SIL1: variants seen among roughly 807,000 people sequenced by gnomAD.
SIL1 encodes SIL1 nucleotide exchange factor, also known as nucleotide exchange factor SIL1.
SIL1 carries 40 observed loss-of-function variants against 49.1 expected under a neutral mutation model. That is an observed-to-expected ratio of 0.81 (90% confidence interval 0.63 to 1.06). The LOEUF (loss-of-function observed/expected upper bound fraction) is 1.06. Ranked by LOEUF, SIL1 falls within the 50% of genes least tolerant of loss-of-function variation. The pLI, the probability that SIL1 is intolerant of heterozygous loss-of-function variation, is 0.00. For synonymous variants in SIL1, 253 were observed against 250.8 expected (o/e 1.01, Z -0.08); for missense variants, 500 against 572.6 (o/e 0.87, Z 1.29).
At chr5:138,999,677 AC>A (rs1159857448) in intron 7 of SIL1, among the ~76,000 whole-genome samples, 2 of 152,158 alleles carry the variant, frequency 1.3e-5, no homozygotes, top group African/African-American at 4.8e-5. Flanking sequence ...AATAAATGCT[AC>A]TGGTTTTTGT....
intron 4 of SIL1, among the ~76,000 whole-genome samples, chr5:139,045,122 TGAG>T (rs1235594196): frequency 6.6e-6 from 1 of 152,048 alleles, no homozygotes; most frequent in East Asian, 1.9e-4. Context: ...TTTGGGAGGC[TGAG>T]GAGGGAGGAT....
At chr5:138,986,590 G>GGC (rs1278598723) in intron 7 of SIL1, among the ~76,000 whole-genome samples, 6 of 152,160 alleles carry the variant, frequency 3.9e-5, no homozygotes, top group African/African-American at 1.4e-4. Flanking sequence ...GCCCTCTCAA[G>GGC]GCACTGATTG....
At chr5:139,157,309 T>A (rs184607679) in intron 1 of SIL1, among the ~76,000 whole-genome samples, 1 of 152,324 alleles carries the variant, frequency 6.6e-6, no homozygotes, top group African/African-American at 2.4e-5. Flanking sequence ...CCTTTGTTGG[T>A]CTGCTCCATC....
At chr5:139,036,748 G>A (rs573112571) in intron 5 of SIL1, among the ~76,000 whole-genome samples, 1 of 152,168 alleles carries the variant, frequency 6.6e-6, no homozygotes, top group South Asian at 2.1e-4. Flanking sequence ...TTGGGTACTT[G>A]GGCTTAATAC....
intron 7 of SIL1, among the ~76,000 whole-genome samples, chr5:138,954,585 G>C (rs1190615051): frequency 6.6e-6 from 1 of 152,260 alleles, no homozygotes; most frequent in African/African-American, 2.4e-5. Context: ...GCTTCCAGCT[G>C]CTCCTCAGTC....
chr5:139,019,062 A>C (rs941487395), intron 7 of SIL1, among the ~76,000 whole-genome samples: 5 of 152,202 alleles, frequency 3.3e-5, no homozygotes, highest in African/African-American at 4.8e-5. Context: ...ACTAGAAAGA[A>C]TATCTTCTAG....
At chr5:139,163,622 G>C (rs1473873810) in intron 1 of SIL1, among the ~76,000 whole-genome samples, 1 of 151,886 alleles carries the variant, frequency 6.6e-6, no homozygotes, top group South Asian at 2.1e-4. Context: ...CGCCCGTCTC[G>C]GCCTCCCAAA....
chr5:139,104,011 C>T (rs1289827407), intron 3 of SIL1, among the ~76,000 whole-genome samples: 1 of 152,214 alleles, frequency 6.6e-6, no homozygotes, highest in African/African-American at 2.4e-5. Flanking sequence ...GACACATCTA[C>T]ACAGACTGGG....
chr5:139,189,249 C>T (rs1197316821), intron 1 of SIL1, among the ~76,000 whole-genome samples: 2 of 152,212 alleles, frequency 1.3e-5, no homozygotes, highest in Admixed American at 6.5e-5. Flanking sequence ...AAAGCTTCAT[C>T]TGTATTTACA....
At chr5:139,168,859 G>A (rs910425322) in intron 1 of SIL1, among the ~76,000 whole-genome samples, 2 of 151,868 alleles carry the variant, frequency 1.3e-5, no homozygotes, top group African/African-American at 4.8e-5. Flanking sequence ...TTACTCTGGA[G>A]GCTGAGGTGG....
At chr5:139,092,840 T>C (rs947661731) in intron 3 of SIL1, among the ~76,000 whole-genome samples, 1 of 152,194 alleles carries the variant, frequency 6.6e-6, no homozygotes, top group Non-Finnish European at 1.5e-5. Flanking sequence ...GTTGCTATGG[T>C]TTAAATGTGG....
At chr5:139,169,083 G>A (rs1383420071) in intron 1 of SIL1, among the ~76,000 whole-genome samples, 1 of 152,162 alleles carries the variant, frequency 6.6e-6, no homozygotes, top group Non-Finnish European at 1.5e-5. Flanking sequence ...GAGTTGGATG[G>A]TATAGTGCAT....
chr5:139,142,103 A>C (rs909777818), intron 1 of SIL1, among the ~76,000 whole-genome samples: 7 of 152,226 alleles, frequency 4.6e-5, no homozygotes, highest in African/African-American at 7.2e-5. Flanking sequence ...CCAAGATGGA[A>C]GTGTCAAAAC....
intron 5 of SIL1, among the ~76,000 whole-genome samples, chr5:139,036,909 AT>A (rs1028107201): frequency 2.6e-5 from 4 of 152,116 alleles, no homozygotes; most frequent in Admixed American, 2.6e-4. Context: ...CATTTTCCCT[AT>A]TTTTTATTCA....
chr5:139,170,740 G>T (rs548483068), intron 1 of SIL1, among the ~76,000 whole-genome samples: 30 of 151,340 alleles, frequency 2.0e-4, no homozygotes, highest in Admixed American at 3.9e-4. Context: ...AGTGAGGAGC[G>T]TCTCCGCCCG....
rs1393673192 is a variant in SIL1 at position 138,965,084 on chromosome 5, T to C, written c.768-13200A>G. 9.8e-5 allele frequency among the ~76,000 whole-genome samples: 15 copies of C among 152,316 alleles called. No homozygotes were observed. In the East Asian group the frequency reaches 2.9e-3, roughly 29 times the overall value. ...TGGGGGCTTGAGAACAATCAAATGC[T>C]AGGCAGGGGCTTCCCTCTTGCCTGG... On this transcript the variant is annotated intron_variant, in intron 7 of 9. Coordinates refer to ENST00000394817, the MANE Select transcript of SIL1 (RefSeq NM_022464.5).
chr5:139,034,501 T>G (rs572505353), intron 5 of SIL1: 1 of 152,182 alleles, frequency 6.6e-6, no homozygotes, highest in Non-Finnish European at 1.5e-5. Context: ...ACTGTTTGTA[T>G]AGTTTTTAAT....
intron 1 of SIL1, among the ~76,000 whole-genome samples, chr5:139,176,376 A>G (rs547700906): frequency 6.6e-6 from 1 of 152,244 alleles, no homozygotes; most frequent in African/African-American, 2.4e-5. Context: ...CTTTCATGGC[A>G]ATGCACCTCA....
At chr5:139,173,131 A>C (rs1389018458) in intron 1 of SIL1, among the ~76,000 whole-genome samples, 1 of 152,196 alleles carries the variant, frequency 6.6e-6, no homozygotes, top group Non-Finnish European at 1.5e-5. Context: ...GAGCTGTTGA[A>C]GAAGCCGAGT....
Sources: allele counts gnomAD v4.1 joint callset (sites outside exome capture counted in the v4.1 genomes callset), GRCh38; gene constraint gnomAD v4.1.1; transcripts MANE v1.5; gene names NCBI Gene and HGNC (gene_info 2026-07-23, HGNC 2026-07-21).